Variants in PHLPP2 observed in about 807,000 individuals in gnomAD.
PHLPP2 encodes the protein PH domain leucine-rich repeat-containing protein phosphatase 2.
A neutral mutation model predicts 124.9 loss-of-function variants in PHLPP2; 66 were observed. That is an observed-to-expected ratio of 0.53 (90% CI 0.43 to 0.65). The LOEUF (loss-of-function observed/expected upper bound fraction) is 0.65, where lower values mean the gene tolerates loss of function less well. Ranked by LOEUF, PHLPP2 falls within the 30% of genes least tolerant of loss-of-function variation. PHLPP2 has a pLI of 0.00. For missense variants in PHLPP2, 1,685 were observed against 1,600.4 expected (o/e 1.05, Z -0.90); for synonymous variants, 681 against 624.7 (o/e 1.09, Z -1.34).
intron 3 of PHLPP2, among the ~76,000 whole-genome samples, chr16:71,697,816 TC>T (rs199988893): frequency 0.077 from 10,979 of 141,916 alleles, 1,060 homozygotes; most frequent in East Asian, 0.26. Context: ...TCTCTCTCTC[TC>T]TTTTTTTTTT....
intron 4 of PHLPP2, 30 bp from the exon 5 acceptor site, chr16:71,684,631 C>T: frequency 6.4e-7 from 1 of 1,560,356 alleles, no homozygotes; most frequent in Non-Finnish European, 8.7e-7. Context: ...AAAACCAGAA[C>T]CACTAAAAAA....
chr16:71,702,801 A>ATTTTT (rs2045244601), intron 2 of PHLPP2, 70 bp from the exon 3 acceptor site: 2 of 1,023,790 alleles, frequency 2.0e-6, no homozygotes, highest in African/African-American at 3.2e-5. Flanking sequence ...ATTTTTTAGT[A>ATTTTT]TTTTTATTTG....
chr16:71,699,423 T>A lies in PHLPP2; in HGVS notation c.418+3175A>T, dbSNP rs552876324. Among the ~76,000 whole-genome samples the A allele has an allele frequency of 7.9e-5, 12 of 152,228 alleles. No individual in the cohort carries two copies. The South Asian group carries it at 2.5e-3, about 32-fold the overall frequency. On this transcript the variant is annotated intron_variant, in intron 3 of 18. Transcript: ENST00000568954. Reference sequence around the variant, plus strand: ...AGCAGAGAAGAGAAGCAGCTGGACATCAGGGAGAGGCGACTTGACTTCAGA... The same window carrying A: ...AGCAGAGAAGAGAAGCAGCTGGACAACAGGGAGAGGCGACTTGACTTCAGA...
rs1040687569 is a variant in PHLPP2, at chr16:71,660,568, G to T, written c.1986-1753C>A. On this transcript the variant is annotated intron_variant, in intron 13 of 18. Coordinates refer to ENST00000568954, the MANE Select transcript of PHLPP2 (RefSeq NM_015020.3). ...AGCCTCCCAAGTAGCTGGGACTACA[G>T]GCACCCGCCACCATGCCCGGCTAAT... Among the ~76,000 whole-genome samples the T allele has an allele frequency of 5.3e-5, 8 of 151,672 alleles. No individual in the cohort carries two copies. In the East Asian group the frequency reaches 1.4e-3, roughly 26 times the overall value.
At chr16:71,694,383 C>A (rs957207383) in intron 3 of PHLPP2, among the ~76,000 whole-genome samples, 12 of 151,920 alleles carry the variant, frequency 7.9e-5, no homozygotes, top group African/African-American at 2.9e-4. Context: ...ATTGCTTGAA[C>A]CTGGGAGGCC....
intron 2 of PHLPP2, among the ~76,000 whole-genome samples, chr16:71,713,571 T>C (rs2045337455): frequency 6.6e-6 from 1 of 152,168 alleles, no homozygotes; most frequent in Non-Finnish European, 1.5e-5. Flanking sequence ...ACAACTTGAA[T>C]GTCCATTAAT....
chr16:71,669,489 C>G, intron 10 of PHLPP2, 119 bp from the exon 11 acceptor site: 3 of 673,376 alleles, frequency 4.5e-6, no homozygotes, highest in Non-Finnish European at 7.8e-6. Context: ...ACACTGTCTC[C>G]AAGGCATCCC....
At chr16:71,676,689 T>C (rs984846255) in intron 8 of PHLPP2, 40 bp from the exon 9 acceptor site, 2 of 1,392,734 alleles carry the variant, frequency 1.4e-6, no homozygotes, top group Non-Finnish European at 2.0e-6. Context: ...TAAATAAGAG[T>C]CTATTAAATG....
chr16:71,706,641 C>A (rs193063810), intron 2 of PHLPP2, among the ~76,000 whole-genome samples: 1 of 152,222 alleles, frequency 6.6e-6, no homozygotes, highest in East Asian at 1.9e-4. Flanking sequence ...TCATACCTGA[C>A]ACTATGCTGA....
intron 6 of PHLPP2, among the ~76,000 whole-genome samples, chr16:71,681,273 A>C (rs548718617): frequency 6.6e-6 from 1 of 152,310 alleles, no homozygotes; most frequent in Non-Finnish European, 1.5e-5. Context: ...AGTAGGTCAT[A>C]GTACTGTAGG....
intron 2 of PHLPP2, among the ~76,000 whole-genome samples, chr16:71,709,476 C>A (rs942833390): frequency 6.6e-6 from 1 of 152,136 alleles, no homozygotes; most frequent in Non-Finnish European, 1.5e-5. Flanking sequence ...TTGGTTATTT[C>A]GATGACTAAG....
chr16:71,661,950 A>C (rs545613546), intron 13 of PHLPP2, among the ~76,000 whole-genome samples: 16 of 151,884 alleles, frequency 1.1e-4, no homozygotes, highest in African/African-American at 3.6e-4. Flanking sequence ...CAGCCTCCCA[A>C]GTGGCTGGGA....
chr16:71,719,814 T>C (rs1036767063), intron 1 of PHLPP2, among the ~76,000 whole-genome samples: 1 of 152,076 alleles, frequency 6.6e-6, no homozygotes, highest in Non-Finnish European at 1.5e-5. Flanking sequence ...TTTGTTTTTT[T>C]GGAGACAGCA....
chr16:71,701,837 A>AT (rs1383226898), intron 3 of PHLPP2, among the ~76,000 whole-genome samples: 1 of 152,170 alleles, frequency 6.6e-6, no homozygotes, highest in African/African-American at 2.4e-5. Context: ...TAATTATACT[A>AT]TTTTATAATT....
At position 71,658,659 on chromosome 16, in the gene PHLPP2, C is replaced by G; in HGVS notation, c.2142G>C (p.Gln714His). The change falls in exon 14 of 19, where the codon CAG (glutamine) becomes CAC (histidine). Residue 714 changes from glutamine to histidine, a missense_variant. By Grantham distance (24) the Gln-to-His change is conservative. Transcript: ENST00000568954. ...SIFPEILQLP[Q>H]IQFVDLSCND... ...TTCCAGCACACAGAAGTACCTGGAT[C>G]TGAGGCAACTGCAGTATTTCTGGGA... The G allele has an allele frequency of 6.2e-7, 1 of 1,614,042 alleles. No homozygotes were observed. Among genetic ancestry groups the G allele is most frequent in the Non-Finnish European group, 8.5e-7 (1 of 1,179,964 alleles).
chr16:71,723,716 T>G (rs940630719), intron 1 of PHLPP2: 88 of 890,662 alleles, frequency 9.9e-5, no homozygotes, highest in Middle Eastern at 7.8e-4. Context: ...CCCTCCCTAG[T>G]CCGCTTGCCC....
chr16:71,699,108 C>T (rs1363327070), intron 3 of PHLPP2, among the ~76,000 whole-genome samples: 1 of 152,134 alleles, frequency 6.6e-6, no homozygotes, highest in Non-Finnish European at 1.5e-5. Context: ...GTTTCAGGAA[C>T]TGGGTGGTTG....
chr16:71,720,432 T>C (rs1354993228), intron 1 of PHLPP2, among the ~76,000 whole-genome samples: 1 of 152,202 alleles, frequency 6.6e-6, no homozygotes, highest in African/African-American at 2.4e-5. Context: ...TTTATACTTT[T>C]AACTCTAAAA....
intron 4 of PHLPP2, among the ~76,000 whole-genome samples, chr16:71,687,109 A>G (rs2045061740): frequency 6.6e-6 from 1 of 152,192 alleles, no homozygotes. Context: ...TTTTAATTTC[A>G]GCCATTCTAG....
Sources: allele counts gnomAD v4.1 joint callset (sites outside exome capture counted in the v4.1 genomes callset), GRCh38; gene constraint gnomAD v4.1.1; transcripts MANE v1.5; gene names NCBI Gene and HGNC (gene_info 2026-07-23, HGNC 2026-07-21).